Variants in NXPE2 observed in about 807,000 individuals in gnomAD.
NXPE2 encodes NXPE family member 2.
NXPE2 carries 34 observed loss-of-function variants against 34.4 expected under a neutral mutation model. The ratio of observed to expected loss-of-function variants is 0.99; its 90% confidence interval spans 0.75 to 1.31. The LOEUF is 1.31. NXPE2 is among the 40% of genes most tolerant of loss of function. The pLI is 0.00. For synonymous variants in NXPE2, 235 were observed against 231.3 expected (o/e 1.02, Z -0.15); for missense variants, 649 against 672.5 (o/e 0.97, Z 0.39).
chr11:114,643,791 T>C, the NXPE2 span, among the ~76,000 whole-genome samples: 1 of 152,150 alleles, frequency 6.6e-6, no homozygotes. Flanking sequence ...TTTTAATAAT[T>C]CTGTGAAGAA....
chr11:114,667,828 C>T, the NXPE2 span, among the ~76,000 whole-genome samples: 1 of 152,128 alleles, frequency 6.6e-6, no homozygotes, highest in Non-Finnish European at 1.5e-5. Flanking sequence ...ACAGAGACCT[C>T]ATTAGAGATC....
the NXPE2 span, among the ~76,000 whole-genome samples, chr11:114,715,171 G>T: frequency 6.6e-6 from 1 of 152,182 alleles, no homozygotes; most frequent in African/African-American, 2.4e-5. Context: ...TTTATTGCTA[G>T]AAGTGAAGGA....
chr11:114,632,482 A>G, the NXPE2 span, among the ~76,000 whole-genome samples: 1 of 126,158 alleles, frequency 7.9e-6, no homozygotes, highest in Non-Finnish European at 1.6e-5. Flanking sequence ...ACTATATAAT[A>G]CTCCATAATA....
At chr11:114,665,317 T>A in the NXPE2 span, among the ~76,000 whole-genome samples, 1 of 152,178 alleles carries the variant, frequency 6.6e-6, no homozygotes, top group East Asian at 1.9e-4. Context: ...AATTAGAATG[T>A]CGTGGTTATA....
the NXPE2 span, among the ~76,000 whole-genome samples, chr11:114,791,879 C>A: frequency 6.6e-6 from 1 of 152,072 alleles, no homozygotes; most frequent in African/African-American, 2.4e-5. Flanking sequence ...CACGGTGAAA[C>A]CCTGTCTCTA....
the NXPE2 span, among the ~76,000 whole-genome samples, chr11:114,736,839 T>G: frequency 6.6e-6 from 1 of 152,226 alleles, no homozygotes; most frequent in African/African-American, 2.4e-5. Flanking sequence ...CCATGAAATC[T>G]TCACAATCCA....
Position 114,706,654 on chromosome 11 carries a change from T to C in NXPE2, c.1404T>C (p.Asn468=). ...ACATTTTCATCCGTAGGGCCATCAA[T>C]ATTCAAAAGGCCATTGAACGTCTAT... ...PINIFIRRAI[N]IQKAIERLFL... The change falls in exon 6 of 6, where the codon AAT becomes AAC. Residue 468 remains asparagine, a synonymous_variant. Transcript: ENST00000389586. 2 of 1,551,940 alleles carry C rather than the reference T, an allele frequency of 1.3e-6. No individual in the cohort carries two copies. Among genetic ancestry groups the C allele is most frequent in the Non-Finnish European group, 1.7e-6 (2 of 1,147,018 alleles).
the NXPE2 span, among the ~76,000 whole-genome samples, chr11:114,612,678 T>C: frequency 6.6e-6 from 1 of 151,220 alleles, no homozygotes; most frequent in Non-Finnish European, 1.5e-5. Context: ...ATACGTGTTG[T>C]CTCATGGGTA....
chr11:114,466,787 T>C, the NXPE2 span, among the ~76,000 whole-genome samples: 1 of 151,490 alleles, frequency 6.6e-6, no homozygotes, highest in South Asian at 2.1e-4. Flanking sequence ...CTTCCTCTTC[T>C]TCAGGAGCAA....
the NXPE2 span, among the ~76,000 whole-genome samples, chr11:114,561,821 G>T: frequency 1.3e-5 from 2 of 152,024 alleles, no homozygotes; most frequent in African/African-American, 4.8e-5. Flanking sequence ...TCTAATATCT[G>T]TTAACTTTTC....
At chr11:114,611,076 T>C in the NXPE2 span, among the ~76,000 whole-genome samples, 4 of 150,584 alleles carry the variant, frequency 2.7e-5, no homozygotes, top group African/African-American at 9.7e-5. Flanking sequence ...CACTGTTACC[T>C]GGTGGATAAT....
the NXPE2 span, among the ~76,000 whole-genome samples, chr11:114,597,426 A>C: frequency 6.6e-6 from 1 of 152,230 alleles, no homozygotes; most frequent in Non-Finnish European, 1.5e-5. Flanking sequence ...AAACAAGAAA[A>C]TGTAATGGGT....
the NXPE2 span, among the ~76,000 whole-genome samples, chr11:114,485,524 C>T: frequency 6.6e-6 from 1 of 151,734 alleles, no homozygotes; most frequent in Non-Finnish European, 1.5e-5. Flanking sequence ...ACCACCACGC[C>T]TGGCCATTCT....
chr11:114,597,128 T>A, the NXPE2 span, among the ~76,000 whole-genome samples: 929 of 152,268 alleles, frequency 6.1e-3, 2 homozygotes, highest in Non-Finnish European at 8.9e-3. Context: ...AGACTCTGAT[T>A]AATTAAGAAA....
chr11:114,561,521 T>G, the NXPE2 span, among the ~76,000 whole-genome samples: 2 of 152,196 alleles, frequency 1.3e-5, no homozygotes, highest in African/African-American at 4.8e-5. Context: ...CTTTGGTAGC[T>G]CTTTCAGAGG....
the NXPE2 span, among the ~76,000 whole-genome samples, chr11:114,555,182 G>GT: frequency 6.6e-6 from 1 of 151,762 alleles, no homozygotes; most frequent in Non-Finnish European, 1.5e-5. Context: ...TTTCAGTTTT[G>GT]TTTTTACAGC....
the NXPE2 span, among the ~76,000 whole-genome samples, chr11:114,515,351 G>A: frequency 6.6e-6 from 1 of 152,282 alleles, no homozygotes; most frequent in African/African-American, 2.4e-5. Flanking sequence ...TAATGTACAA[G>A]ATCTAGAGAA....
At chr11:114,807,221 C>A in the NXPE2 span, among the ~76,000 whole-genome samples, 1 of 151,476 alleles carries the variant, frequency 6.6e-6, no homozygotes, top group African/African-American at 2.4e-5. Flanking sequence ...CAACCAGTAC[C>A]AGCCACTGCA....
the NXPE2 span, among the ~76,000 whole-genome samples, chr11:114,534,497 A>G: frequency 6.6e-6 from 1 of 152,212 alleles, no homozygotes; most frequent in Non-Finnish European, 1.5e-5. Context: ...GAGCTAAAGG[A>G]GGAAGTTCGA....
Sources: gnomAD v4.1 joint callset for allele counts (sites outside exome capture counted in the v4.1 genomes callset) on GRCh38, gnomAD v4.1.1 for gene constraint, MANE v1.5 for transcripts, NCBI Gene and HGNC (gene_info 2026-07-23, HGNC 2026-07-21) for gene names.